The following SHANK2 variants were observed in gnomAD, a reference collection of about 807,000 sequenced individuals.
SHANK2 encodes the protein SH3 and multiple ankyrin repeat domains protein 2.
In SHANK2, 43 loss-of-function variants were observed where a neutral mutation model predicts 133.7. That is an observed-to-expected ratio of 0.32 (90% confidence interval 0.25 to 0.41). The LOEUF (loss-of-function observed/expected upper bound fraction) is 0.41, where lower values mean the gene tolerates loss of function less well. Ranked by LOEUF, SHANK2 falls within the 10% of genes least tolerant of loss-of-function variation. The pLI is 1.00. For missense variants in SHANK2, 1,994 were observed against 2,235.8 expected (o/e 0.89, Z 2.18); for synonymous variants, 1,017 against 952.8 (o/e 1.07, Z -1.24).
chr11:70,831,713 C>T (rs1472248596), intron 11 of SHANK2, among the ~76,000 whole-genome samples: 8 of 152,246 alleles, frequency 5.3e-5, no homozygotes, highest in African/African-American at 1.7e-4. Context: ...GAAGTCCTGG[C>T]GGGGACGCCG....
intron 11 of SHANK2, among the ~76,000 whole-genome samples, chr11:70,837,833 A>G (rs1461058425): frequency 1.3e-5 from 2 of 151,932 alleles, no homozygotes; most frequent in Admixed American, 6.6e-5. Flanking sequence ...AAAATGAGCC[A>G]GGCATGGTGG....
At chr11:70,582,753 T>C (rs990933901) in intron 17 of SHANK2, among the ~76,000 whole-genome samples, 8 of 152,188 alleles carry the variant, frequency 5.3e-5, no homozygotes, top group Non-Finnish European at 1.2e-4. Context: ...CTGTGTGTGC[T>C]ATGGTGGTGT....
chr11:70,746,906 C>T (rs1946649892), intron 14 of SHANK2, among the ~76,000 whole-genome samples: 1 of 151,776 alleles, frequency 6.6e-6, no homozygotes, highest in Non-Finnish European at 1.5e-5. Flanking sequence ...ATGAGGGTGG[C>T]TTGTCTGCTT....
intron 17 of SHANK2, among the ~76,000 whole-genome samples, chr11:70,517,827 C>G (rs2059283940): frequency 6.6e-6 from 1 of 152,116 alleles, no homozygotes; most frequent in Non-Finnish European, 1.5e-5. Context: ...AGAATGTACA[C>G]CAAGAGTGAA....
chr11:71,207,164 A>G, intron 2 of SHANK2, among the ~76,000 whole-genome samples: 1 of 149,880 alleles, frequency 6.7e-6, no homozygotes, highest in East Asian at 2.0e-4. Context: ...GATTCAACCA[A>G]CACTTTAAAA....
chr11:70,853,434 C>A (rs185414195), intron 11 of SHANK2, among the ~76,000 whole-genome samples: 1 of 152,146 alleles, frequency 6.6e-6, no homozygotes, highest in Non-Finnish European at 1.5e-5. Flanking sequence ...ACCCAGTGAC[C>A]GAGAGAGGTT....
intron 10 of SHANK2, among the ~76,000 whole-genome samples, chr11:70,919,322 T>C (rs372191328): frequency 3.3e-5 from 5 of 152,152 alleles, no homozygotes; most frequent in African/African-American, 1.2e-4. Flanking sequence ...TACAATGCAT[T>C]GTTAACTGTG....
intron 8 of SHANK2, among the ~76,000 whole-genome samples, chr11:71,079,939 G>T: frequency 7.1e-6 from 1 of 141,352 alleles, no homozygotes; most frequent in East Asian, 2.2e-4. Context: ...GGAGAGGAGA[G>T]GGAAGTGGGG....
Position 70,492,411 on chromosome 11 carries a change from A to T in SHANK2, c.2363T>A (p.Met788Lys), listed in dbSNP as rs1555156112. ...GGTCGCCACCCTCGGTTCCACAGCC[A>T]TGTTCTCAGCAGCGCGGGAGGGCTT... ...ASKPSRAAEN[M>K]AVEPRVATIK... The change falls in exon 22 of 26, where the codon ATG (methionine) becomes AAG (lysine). Residue 788 changes from methionine to lysine, a missense_variant. By Grantham distance (95) the Met-to-Lys change is moderately conservative. This residue lies in a region of SHANK2 where 488 missense variants were observed against 642.6 expected (regional missense o/e 0.76). Coordinates refer to ENST00000601538, the MANE Select transcript of SHANK2 (RefSeq NM_012309.5). The T allele has an allele frequency of 6.2e-7, 1 of 1,613,758 alleles. No individual in the cohort carries two copies. Among genetic ancestry groups the T allele is most frequent in the African/African-American group, 1.3e-5 (1 of 74,926 alleles).
chr11:71,243,458 G>A (rs1331761949), intron 1 of SHANK2, among the ~76,000 whole-genome samples: 3 of 152,208 alleles, frequency 2.0e-5, no homozygotes, highest in Non-Finnish European at 4.4e-5. Context: ...ACTTTGGGAG[G>A]CTGAGGCGGG....
At chr11:70,898,130 T>C (rs1949965632) in intron 10 of SHANK2, among the ~76,000 whole-genome samples, 1 of 151,832 alleles carries the variant, frequency 6.6e-6, no homozygotes, top group African/African-American at 2.4e-5. Context: ...GTCTGGCTAA[T>C]TAAAAAAAAA....
chr11:70,946,465 C>T (rs1196323791), intron 10 of SHANK2, among the ~76,000 whole-genome samples: 5 of 147,944 alleles, frequency 3.4e-5, no homozygotes, highest in African/African-American at 1.3e-4. Flanking sequence ...TCTCCACTAA[C>T]CAACTCTTCC....
intron 1 of SHANK2, among the ~76,000 whole-genome samples, chr11:71,229,539 G>A (rs1353440982): frequency 2.6e-5 from 4 of 152,118 alleles, no homozygotes; most frequent in Non-Finnish European, 4.4e-5. Flanking sequence ...GGGAGGCCGA[G>A]GTGGGTGGAT....
rs181768878 is a variant in SHANK2 at position 70,522,826 on chromosome 11, G to T, written c.2062-19895C>A. 2.4e-4 allele frequency among the ~76,000 whole-genome samples: 37 copies of T among 152,302 alleles called. 1 individual carries two copies. The highest frequency in any genetic ancestry group is 8.5e-4 in the Admixed American group (13 of 15,312). On this transcript the variant is annotated intron_variant, in intron 17 of 25. Coordinates refer to ENST00000601538, the MANE Select transcript of SHANK2 (RefSeq NM_012309.5). ...AACCAGGCGGCATCATTTGAGACTC[G>T]TGCAGAAGGGAAGCCGCCCCAAGCC...
rs553003085 is a variant in SHANK2 at position 70,776,468 on chromosome 11, C to T, written c.1777+21975G>A. Among the ~76,000 whole-genome samples the T allele has an allele frequency of 1.3e-3, 192 of 152,298 alleles. 3 individuals carry two copies. Among genetic ancestry groups the T allele is most frequent in the African/African-American group, 4.4e-3 (182 of 41,556 alleles). ...CTCGAAGACAACCTGGCCTGGGATG[C>T]CAGTGATGTTGCTGGTATCGCCAAG... is the stretch of plus-strand genomic sequence containing the variant. On this transcript the variant is annotated intron_variant, in intron 14 of 25. Transcript: ENST00000601538.
chr11:71,229,238 G>A lies in SHANK2; in HGVS notation c.-112-4442C>T, dbSNP rs1354102914. Reference sequence around the variant, plus strand: ...CTGGATGTTCTAGCAAGTGTAATATGGCAAAAAAACAAACAAACAAAGATT... The same window carrying A: ...CTGGATGTTCTAGCAAGTGTAATATAGCAAAAAAACAAACAAACAAAGATT... On this transcript the variant is annotated intron_variant, in intron 1 of 25. Transcript: ENST00000601538. Among the ~76,000 whole-genome samples, 11 of 151,784 alleles carry A rather than the reference G, an allele frequency of 7.2e-5. No individual in the cohort carries two copies. The East Asian group carries it at 2.1e-3, about 29-fold the overall frequency.
Position 71,242,777 on chromosome 11 carries a change from T to G in SHANK2, c.-113+9648A>C, listed in dbSNP as rs191062229. The stretch of plus-strand genomic sequence containing the variant: ...CATGCCACAAAAGACGGCAGAATAC[T>G]CATTCTTCTCAAGGGCACGTGGAAC... On this transcript the variant is annotated intron_variant, in intron 1 of 25. Transcript: ENST00000601538. Among the ~76,000 whole-genome samples, 255 of 152,356 alleles carry G rather than the reference T, an allele frequency of 1.7e-3. 2 individuals carry two copies. Among genetic ancestry groups the G allele is most frequent in the African/African-American group, 5.9e-3 (246 of 41,576 alleles).
chr11:70,755,676 C>T (rs888483250), intron 14 of SHANK2, among the ~76,000 whole-genome samples: 7 of 152,278 alleles, frequency 4.6e-5, no homozygotes, highest in African/African-American at 9.6e-5. Flanking sequence ...AGGCCGCCCT[C>T]GGCTCCGCAC....
chr11:70,942,186 C>T (rs1464048749), intron 10 of SHANK2, among the ~76,000 whole-genome samples: 5 of 150,580 alleles, frequency 3.3e-5, no homozygotes, highest in East Asian at 1.9e-4. Context: ...GACTCTGTCT[C>T]GAAAAAAAAG....
Sources: gnomAD v4.1 joint callset for allele counts (sites outside exome capture counted in the v4.1 genomes callset) on GRCh38, gnomAD v4.1.1 for gene constraint, gnomAD v4.1.1 regional missense constraint, MANE v1.5 for transcripts, NCBI Gene and HGNC (gene_info 2026-07-23, HGNC 2026-07-21) for gene names.